The following HNF4G variants were observed in gnomAD, a reference collection of about 807,000 sequenced individuals.
HNF4G encodes the protein hepatocyte nuclear factor 4 gamma.
HNF4G carries 21 observed loss-of-function variants against 50.9 expected under a neutral mutation model. The ratio of observed to expected loss-of-function variants is 0.41; its 90% confidence interval spans 0.29 to 0.59. The LOEUF (loss-of-function observed/expected upper bound fraction) is 0.59, where lower values mean the gene tolerates loss of function less well. Among genes scored for constraint, HNF4G ranks in the 20% least tolerant of loss-of-function variants. HNF4G has a pLI of 0.26. For missense variants in HNF4G, 527 were observed against 559.4 expected (o/e 0.94, Z 0.58); for synonymous variants, 198 against 185.6 (o/e 1.07, Z -0.54).
intron 2 of HNF4G, among the ~76,000 whole-genome samples, chr8:75,516,494 A>T (rs1414537283): frequency 6.6e-6 from 1 of 152,032 alleles, no homozygotes; most frequent in Non-Finnish European, 1.5e-5. Context: ...AATAGGGTTC[A>T]TCTTCTTGAA....
chr8:75,414,357 GA>G (rs202230198), intron 1 of HNF4G, among the ~76,000 whole-genome samples: 2,507 of 149,312 alleles, frequency 0.017, 50 homozygotes, highest in African/African-American at 0.037. Context: ...CTTTGGGGGA[GA>G]AAAAAAAACC....
At chr8:75,478,194 A>T (rs1306955017) in intron 1 of HNF4G, among the ~76,000 whole-genome samples, 1 of 151,930 alleles carries the variant, frequency 6.6e-6, no homozygotes, top group African/African-American at 2.4e-5. Flanking sequence ...GGTGCCTGTG[A>T]TCCCAGCTCC....
intron 1 of HNF4G, among the ~76,000 whole-genome samples, chr8:75,425,166 A>AC (rs11386967): frequency 0.026 from 3,951 of 151,768 alleles, 129 homozygotes; most frequent in African/African-American, 0.069. Context: ...GCTCACTGCA[A>AC]CTTTGTCTCC....
chr8:75,542,048 C>T (rs1265025727), intron 1 of HNF4G, among the ~76,000 whole-genome samples: 1 of 152,052 alleles, frequency 6.6e-6, no homozygotes, highest in African/African-American at 2.4e-5. Context: ...CACCTATAGT[C>T]CCAGCACTTT....
chr8:75,522,585 C>T (rs1315426521), intron 2 of HNF4G, among the ~76,000 whole-genome samples: 6 of 152,092 alleles, frequency 3.9e-5, no homozygotes, highest in African/African-American at 1.4e-4. Flanking sequence ...TTGTTGTGGA[C>T]AGCTCCTCCA....
Position 75,453,947 on chromosome 8 carries a change from G to A in HNF4G, c.-143-36142G>A, listed in dbSNP as rs190633140. On this transcript the variant is annotated intron_variant, in intron 1 of 10. Coordinates refer to the HNF4G transcript ENST00000354370. ...GATGGTATTTGGAGATGGGGCCTTT[G>A]GGAGGTAATTAGGATTAGAATAGGT... Among the ~76,000 whole-genome samples, 15 of 152,120 alleles carry A rather than the reference G, an allele frequency of 9.9e-5. No homozygotes were observed. In the East Asian group the frequency reaches 2.9e-3, roughly 29 times the overall value.
intron 1 of HNF4G, among the ~76,000 whole-genome samples, chr8:75,428,970 A>G (rs1047778014): frequency 1.3e-5 from 2 of 152,202 alleles, no homozygotes; most frequent in Non-Finnish European, 2.9e-5. Flanking sequence ...CAGGCACCAG[A>G]TCATGATAGC....
In HNF4G at chr8:75,564,219, G is replaced by T; in HGVS notation, c.*123G>T. The T allele has an allele frequency of 8.9e-6, 9 of 1,011,434 alleles. No individual in the cohort carries two copies. The highest frequency in any genetic ancestry group is 6.5e-5 in the South Asian group (4 of 61,556). The allele number at this position is 1,011,434 out of a possible 1,614,324, so 62.7% of individuals were successfully genotyped here. ...TTCTTCATTGGTGCTGTTATAAGAT[G>T]GTGTCCTATTTTCTTGTTTATACGT... On this transcript the variant is annotated 3_prime_UTR_variant, in exon 10 of 10. Coordinates refer to ENST00000396423, the MANE Select transcript of HNF4G (RefSeq NM_004133.5).
chr8:75,473,604 T>C (rs1812172341), intron 1 of HNF4G, among the ~76,000 whole-genome samples: 1 of 152,166 alleles, frequency 6.6e-6, no homozygotes, highest in Non-Finnish European at 1.5e-5. Context: ...TTTGGCTCTT[T>C]AGCTATTAAA....
At chr8:75,523,464 G>T (rs1353618306) in intron 2 of HNF4G, among the ~76,000 whole-genome samples, 3 of 151,798 alleles carry the variant, frequency 2.0e-5, no homozygotes, top group East Asian at 1.9e-4. Context: ...TTTATTTTCT[G>T]CATTTCCCAG....
intron 1 of HNF4G, among the ~76,000 whole-genome samples, chr8:75,447,637 C>T (rs902830344): frequency 2.0e-5 from 3 of 152,162 alleles, no homozygotes; most frequent in Admixed American, 6.5e-5. Flanking sequence ...TGAACAGACA[C>T]TTCTCAAAAG....
intron 2 of HNF4G, among the ~76,000 whole-genome samples, chr8:75,491,294 G>A (rs6472912): frequency 0.23 from 34,564 of 151,992 alleles, 5,123 homozygotes; most frequent in African/African-American, 0.42. Flanking sequence ...TTTTTTACTT[G>A]AAGATTTACT....
chr8:75,507,546 A>C (rs1421539665), intron 2 of HNF4G, among the ~76,000 whole-genome samples: 1 of 152,232 alleles, frequency 6.6e-6, no homozygotes, highest in Non-Finnish European at 1.5e-5. Context: ...GGCGTGAGCC[A>C]CTGTGCCCGG....
chr8:75,557,256 C>G (rs180832003), intron 6 of HNF4G, among the ~76,000 whole-genome samples: 31 of 152,212 alleles, frequency 2.0e-4, no homozygotes, highest in Non-Finnish European at 1.6e-4. Context: ...AAGATAGTAA[C>G]TATGTGAGGT....
chr8:75,449,863 A>G (rs1259656865), intron 1 of HNF4G, among the ~76,000 whole-genome samples: 1 of 152,108 alleles, frequency 6.6e-6, no homozygotes, highest in East Asian at 1.9e-4. Context: ...GAAATGAAGA[A>G]TAGTTAAAAT....
At chr8:75,484,741 G>A (rs1033299729) in intron 1 of HNF4G, among the ~76,000 whole-genome samples, 1 of 152,194 alleles carries the variant, frequency 6.6e-6, no homozygotes, top group Non-Finnish European at 1.5e-5. Context: ...GCCTGCCCCA[G>A]TGACTGGGAC....
upstream of HNF4G, among the ~76,000 whole-genome samples, chr8:75,535,323 G>C (rs982292139): frequency 1.3e-5 from 2 of 150,256 alleles, 1 homozygote; most frequent in Non-Finnish European, 3.0e-5. Context: ...AGAATGGTTA[G>C]ATTAGGACAG....
At chr8:75,483,382 C>T (rs979103478) in intron 1 of HNF4G, among the ~76,000 whole-genome samples, 1 of 152,132 alleles carries the variant, frequency 6.6e-6, no homozygotes, top group African/African-American at 2.4e-5. Context: ...CATCTTTTCT[C>T]TTTAACAGGG....
At chr8:75,524,858 G>T (rs1160065510) in intron 2 of HNF4G, among the ~76,000 whole-genome samples, 1 of 152,148 alleles carries the variant, frequency 6.6e-6, no homozygotes, top group Non-Finnish European at 1.5e-5. Context: ...TAGTATATGG[G>T]TTATTTGAAG....
Sources: gnomAD v4.1 joint callset for allele counts (sites outside exome capture counted in the v4.1 genomes callset) on GRCh38, gnomAD v4.1.1 for gene constraint, MANE v1.5 for transcripts, NCBI Gene and HGNC (gene_info 2026-07-23, HGNC 2026-07-21) for gene names.